The following CD99 variants were observed in gnomAD, a reference collection of about 807,000 sequenced individuals.
The protein encoded by CD99 is CD99 molecule (Xg blood group), also known as CD99 antigen.
Under a neutral mutation model 28.4 loss-of-function variants are expected in CD99, and 19 were observed. That is an observed-to-expected ratio of 0.67 (90% CI 0.47 to 0.98). CD99 has a LOEUF of 0.98. CD99 is among the 50% of genes least tolerant of loss of function. CD99 has a pLI of 0.00. For missense variants in CD99, 283 were observed against 248.8 expected, an observed-to-expected ratio of 1.14 and a Z score of -0.92; for synonymous variants, 103 against 92.1, an observed-to-expected ratio of 1.12 and a Z score of -0.67.
intron 8 of CD99, among the ~76,000 whole-genome samples, chrX:2,732,385 G>A (rs1490175474): frequency 6.6e-6 from 1 of 152,092 alleles, no homozygotes; most frequent in East Asian, 1.9e-4. Flanking sequence ...CAGGGTCCTG[G>A]GCTCACAGTG....
Position 2,692,020 on chromosome X carries a change from C to T in CD99, c.67+593C>T, listed in dbSNP as rs2047331793. 8.6e-6 allele frequency: 6 copies of T among 693,674 alleles called. No individual in the cohort carries two copies. The South Asian group carries it at 9.4e-5, about 11-fold the overall frequency. The allele number at this position is 693,674 out of a possible 1,614,324, so 43.0% of individuals were successfully genotyped here. A position where few individuals can be genotyped will look rare whatever the true frequency, so the allele number is the denominator to read the frequency against. On this transcript the variant is annotated intron_variant, in intron 1 of 9. Coordinates refer to ENST00000381192, the MANE Select transcript of CD99 (RefSeq NM_002414.5). ...AGCGCGTGCTGTGCGCCAAGCAACA[C>T]GGGGCGCAGAAAGAAACGTGTGCTT...
intron 7 of CD99, among the ~76,000 whole-genome samples, chrX:2,725,683 G>A (rs1230107832): frequency 6.6e-6 from 1 of 152,022 alleles, no homozygotes; most frequent in African/African-American, 2.4e-5. Context: ...GCACAATCTC[G>A]GCTCACTGCA....
At chrX:2,699,031 G>C (rs1479714945) in intron 1 of CD99, among the ~76,000 whole-genome samples, 1 of 151,458 alleles carries the variant, frequency 6.6e-6, no homozygotes, top group East Asian at 1.9e-4. Flanking sequence ...GGTTCAAGCA[G>C]CCCACCTACC....
chrX:2,737,819 G>A (rs2050021502), intron 8 of CD99: 1 of 379,474 alleles, frequency 2.6e-6, no homozygotes. Flanking sequence ...TGATGAGTTT[G>A]GGGGCAGTTA....
intron 1 of CD99, among the ~76,000 whole-genome samples, chrX:2,706,143 A>T (rs1257187336): frequency 6.6e-6 from 1 of 151,418 alleles, no homozygotes; most frequent in Non-Finnish European, 1.5e-5. Flanking sequence ...GCGGATCACG[A>T]GTTCAGGAGA....
At position 2,720,381 on chromosome X, in the gene CD99, C is replaced by T; in HGVS notation, c.219C>T (p.Pro73=). 1 of 1,613,852 alleles carries T rather than the reference C, an allele frequency of 6.2e-7. No homozygotes were observed. Among genetic ancestry groups the T allele is most frequent in the Non-Finnish European group, 8.5e-7 (1 of 1,179,848 alleles). The change falls in exon 5 of 10, where the codon CCC becomes CCT. Residue 73 remains proline, a synonymous_variant. Coordinates refer to ENST00000381192, the MANE Select transcript of CD99 (RefSeq NM_002414.5). ...ENDDPRPPNP[P]KPMPNPNPNH... is the part of the protein sequence containing the mutation. ...ACGACCCACGACCACCGAACCCACC[C>T]AAACCGATGCCAAATCCAAACCCCA...
intron 5 of CD99, 88 bp downstream of exon 5, chrX:2,720,512 AGTGT>A: frequency 8.1e-7 from 1 of 1,228,802 alleles, no homozygotes; most frequent in Non-Finnish European, 1.2e-6. Flanking sequence ...ATTTCAGATG[AGTGT>A]GTGCTTACTG....
intron 8 of CD99, among the ~76,000 whole-genome samples, chrX:2,729,953 G>A (rs2049504429): frequency 1.3e-5 from 2 of 152,214 alleles, no homozygotes; most frequent in East Asian, 1.9e-4. Context: ...AGGAGTTCAA[G>A]ATCAGCCTGG....
At position 2,733,540 on chromosome X, in the gene CD99, C is replaced by T. The variant is rs1055143849; in HGVS notation, c.476-4660C>T. On this transcript the variant is annotated intron_variant, in intron 8 of 9. Coordinates refer to ENST00000381192, the MANE Select transcript of CD99 (RefSeq NM_002414.5). ...AATCACATGGCGGATTCTCTGCCTT[C>T]AGTTCCATATGCTTTTGCCTTTCTG... 120 of 692,948 alleles carry T rather than the reference C, an allele frequency of 1.7e-4. 1 individual carries two copies. The highest frequency in any genetic ancestry group is 3.2e-4 in the South Asian group (17 of 53,750). 42.9% of individuals were successfully genotyped at this position (692,948 alleles called of 1,614,324 possible). A position where few individuals can be genotyped will look rare whatever the true frequency, so the allele number is the denominator to read the frequency against.
rs1353505912 is a variant in CD99 at position 2,741,218 on chromosome X, G to T, written c.*414G>T. 1 of 191,056 alleles carries T rather than the reference G, an allele frequency of 5.2e-6. No individual in the cohort carries two copies. Among genetic ancestry groups the T allele is most frequent in the African/African-American group, 2.3e-5 (1 of 43,002 alleles). 11.8% of individuals were successfully genotyped at this position (191,056 alleles called of 1,614,324 possible). A position where few individuals can be genotyped will look rare whatever the true frequency, so the allele number is the denominator to read the frequency against. On this transcript the variant is annotated 3_prime_UTR_variant, in exon 10 of 10. Coordinates refer to ENST00000381192, the MANE Select transcript of CD99 (RefSeq NM_002414.5). ...CCGACTTCTTTTTAATTAAAATAAG[G>T]TAAGCCCTTCAATTTGTTTCTTCAA...
intron 7 of CD99, among the ~76,000 whole-genome samples, chrX:2,724,518 C>T (rs2049171871): frequency 6.6e-6 from 1 of 152,188 alleles, no homozygotes; most frequent in Non-Finnish European, 1.5e-5. Context: ...CCTGTCATCC[C>T]AGAACTCTGG....
At chrX:2,691,503 C>A (rs1268140373) in intron 1 of CD99, 76 bp downstream of exon 1, 20 of 1,456,738 alleles carry the variant, frequency 1.4e-5, no homozygotes, top group Middle Eastern at 2.2e-4. Context: ...TGAGATGCGG[C>A]GTTGGGGGCG....
At chrX:2,705,179 G>A (rs770257165) in intron 1 of CD99, among the ~76,000 whole-genome samples, 2 of 152,340 alleles carry the variant, frequency 1.3e-5, no homozygotes, top group East Asian at 3.9e-4. Context: ...TGAACAGATT[G>A]CGCTGGACTC....
chrX:2,720,573 G>T, intron 5 of CD99, 149 bp downstream of exon 5: 58 of 416,300 alleles, frequency 1.4e-4, no homozygotes, highest in Middle Eastern at 3.5e-4. Context: ...AATGGAAAAT[G>T]TACATTTCAA....
chrX:2,705,362 G>A (rs1393930776), intron 1 of CD99, among the ~76,000 whole-genome samples: 2 of 152,154 alleles, frequency 1.3e-5, no homozygotes, highest in African/African-American at 4.8e-5. Context: ...TGACACTCTG[G>A]TGTATTCCTG....
At position 2,729,079 on chromosome X, in the gene CD99, C is replaced by T. The variant is rs1010439645; in HGVS notation, c.475+2706C>T. ...CTCGTGACCTCAGGTGGTTCCCCCC[C>T]GCAATCTTGGCCTCCCAAAGTGTTG... On this transcript the variant is annotated intron_variant, in intron 8 of 9. Transcript: ENST00000381192. 4.3e-4 allele frequency among the ~76,000 whole-genome samples: 65 copies of T among 152,040 alleles called. 1 individual carries two copies. The highest frequency in any genetic ancestry group is 2.1e-4 in the Non-Finnish European group (14 of 68,006).
At chrX:2,707,293 G>C (rs970630356) in intron 1 of CD99, among the ~76,000 whole-genome samples, 12 of 151,808 alleles carry the variant, frequency 7.9e-5, no homozygotes, top group African/African-American at 2.9e-4. Flanking sequence ...TCATGCTACT[G>C]TACTCTAGCC....
At chrX:2,702,620 T>C (rs115188831) in intron 1 of CD99, among the ~76,000 whole-genome samples, 2,775 of 152,220 alleles carry the variant, frequency 0.018, 87 homozygotes, top group African/African-American at 0.063. Context: ...CGGGGATACA[T>C]GTGAAAGTTT....
intron 7 of CD99, among the ~76,000 whole-genome samples, chrX:2,725,075 AAAG>A (rs1224463766): frequency 6.6e-6 from 1 of 151,440 alleles, no homozygotes; most frequent in African/African-American, 2.4e-5. Context: ...GCCAAAAAAA[AAAG>A]AATTATTGCT....
Sources: gnomAD v4.1 joint callset for allele counts (sites outside exome capture counted in the v4.1 genomes callset) on GRCh38, gnomAD v4.1.1 for gene constraint, MANE v1.5 for transcripts, NCBI Gene and HGNC (gene_info 2026-07-23, HGNC 2026-07-21) for gene names.